The following PTPRD variants were observed in gnomAD, a reference collection of about 807,000 sequenced individuals.
PTPRD encodes protein tyrosine phosphatase receptor type D.
PTPRD carries 34 observed loss-of-function variants against 214.5 expected under a neutral mutation model. The observed-to-expected ratio is 0.16, with a 90% CI of 0.12 to 0.21. The LOEUF (loss-of-function observed/expected upper bound fraction) is 0.21, where lower values mean the gene tolerates loss of function less well. Ranked by LOEUF, PTPRD falls within the 10% of genes least tolerant of loss-of-function variation. The probability of loss-of-function intolerance (pLI) is 1.00; values close to 1 mark genes in which losing one functional copy is unlikely to be tolerated. For missense variants in PTPRD, 2,545 were observed against 2,398.7 expected (o/e 1.06, Z -1.27); for synonymous variants, 1,128 against 845.7 (o/e 1.33, Z -5.79).
intron 14 of PTPRD, among the ~76,000 whole-genome samples, chr9:8,598,140 G>A (rs1288980790): frequency 6.6e-6 from 1 of 152,098 alleles, no homozygotes; most frequent in Non-Finnish European, 1.5e-5. Flanking sequence ...ACTGGATCAT[G>A]ATTAGACTTT....
At chr9:8,793,990 GTGATATTGATATAGAGTA>G (rs2096323745) in intron 11 of PTPRD, among the ~76,000 whole-genome samples, 1 of 152,178 alleles carries the variant, frequency 6.6e-6, no homozygotes, top group Admixed American at 6.5e-5. Flanking sequence ...CAGCACAGCT[GTGATATTGATATAGAGTA>G]CTAGGAAACT....
intron 2 of PTPRD, among the ~76,000 whole-genome samples, chr9:10,551,811 C>G (rs931718634): frequency 6.6e-6 from 1 of 152,106 alleles, no homozygotes; most frequent in Non-Finnish European, 1.5e-5. Flanking sequence ...TGAGAAAGTA[C>G]CAGCATATGC....
In PTPRD at chr9:9,318,191, A is replaced by G. The variant is rs185022580; in HGVS notation, c.-203+79258T>C. ...CCATCAAAAAAAGAAACAAAAAACA[A>G]AACAAACAAACAAACAAAAACAAAC... On this transcript the variant is annotated intron_variant, in intron 9 of 45. Coordinates refer to ENST00000381196, the MANE Select transcript of PTPRD (RefSeq NM_002839.4). Among the ~76,000 whole-genome samples the G allele has an allele frequency of 6.8e-3, 1,035 of 151,186 alleles. 7 individuals are homozygous for G. Among genetic ancestry groups the G allele is most frequent in the Middle Eastern group, 0.027 (8 of 292 alleles).
chr9:9,404,420 G>A (rs994006256), intron 8 of PTPRD, among the ~76,000 whole-genome samples: 1 of 151,774 alleles, frequency 6.6e-6, no homozygotes, highest in African/African-American at 2.4e-5. Context: ...TTTTGAAGGT[G>A]GAACAAGACT....
intron 4 of PTPRD, among the ~76,000 whole-genome samples, chr9:9,955,658 G>C (rs986064051): frequency 2.6e-5 from 4 of 151,794 alleles, no homozygotes; most frequent in Admixed American, 6.6e-5. Flanking sequence ...CAAGTAGCTG[G>C]GACTACAGGT....
intron 2 of PTPRD, among the ~76,000 whole-genome samples, chr9:10,458,836 T>C (rs76289433): frequency 0.012 from 1,806 of 152,302 alleles, 34 homozygotes; most frequent in African/African-American, 0.039. Flanking sequence ...TTCAATAAAG[T>C]TGCAGAATAT....
chr9:10,043,531 GT>G (rs1267528949), intron 3 of PTPRD, among the ~76,000 whole-genome samples: 1 of 151,766 alleles, frequency 6.6e-6, no homozygotes, highest in African/African-American at 2.4e-5. Flanking sequence ...TAAATTTGGA[GT>G]TCCTATGAGC....
chr9:10,390,432 G>C (rs1371433429), intron 2 of PTPRD, among the ~76,000 whole-genome samples: 1 of 151,768 alleles, frequency 6.6e-6, no homozygotes, highest in Admixed American at 6.6e-5. Context: ...AGTCGGTAAA[G>C]GCAGTTGAAA....
intron 9 of PTPRD, among the ~76,000 whole-genome samples, chr9:9,203,803 A>G (rs2099943262): frequency 6.6e-6 from 1 of 152,304 alleles, no homozygotes; most frequent in African/African-American, 2.4e-5. Flanking sequence ...GCAAAGAAAA[A>G]GGTCTTAGGA....
chr9:9,930,809 G>C (rs1339697625), intron 5 of PTPRD, among the ~76,000 whole-genome samples: 1 of 151,672 alleles, frequency 6.6e-6, no homozygotes, highest in Non-Finnish European at 1.5e-5. Flanking sequence ...CATGTAAATA[G>C]GTCAATTTTG....
At chr9:9,464,412 A>T (rs751752897) in intron 8 of PTPRD, among the ~76,000 whole-genome samples, 1 of 152,164 alleles carries the variant, frequency 6.6e-6, no homozygotes, top group Non-Finnish European at 1.5e-5. Flanking sequence ...AGTTACTATC[A>T]TTGCATTTTA....
intron 8 of PTPRD, among the ~76,000 whole-genome samples, chr9:9,422,886 G>A (rs572801886): frequency 6.6e-6 from 1 of 152,078 alleles, no homozygotes. Context: ...GCTGACTGGA[G>A]CTGCTGGCAC....
chr9:10,210,821 ATG>A (rs373910478), intron 3 of PTPRD, among the ~76,000 whole-genome samples: 5,628 of 67,762 alleles, frequency 0.083, 190 homozygotes, highest in Non-Finnish European at 0.093. Context: ...ATATATATAT[ATG>A]TATGTATGTA....
chr9:9,129,148 G>A (rs868808714), intron 10 of PTPRD, among the ~76,000 whole-genome samples: 1 of 152,192 alleles, frequency 6.6e-6, no homozygotes, highest in Non-Finnish European at 1.5e-5. Context: ...CCAGCACTTT[G>A]GGAGGCCGAG....
At chr9:9,444,014 A>G (rs1467380735) in intron 8 of PTPRD, among the ~76,000 whole-genome samples, 1 of 152,176 alleles carries the variant, frequency 6.6e-6, no homozygotes, top group African/African-American at 2.4e-5. Context: ...TATGGACTTT[A>G]TCTTCATTAC....
At chr9:8,836,860 G>C (rs1005300326) in intron 11 of PTPRD, among the ~76,000 whole-genome samples, 1 of 151,832 alleles carries the variant, frequency 6.6e-6, no homozygotes, top group African/African-American at 2.4e-5. Context: ...GATTAGACTA[G>C]TAGCAGACTC....
chr9:9,819,764 T>C (rs531289722), intron 5 of PTPRD, among the ~76,000 whole-genome samples: 1 of 152,264 alleles, frequency 6.6e-6, no homozygotes, highest in African/African-American at 2.4e-5. Flanking sequence ...AACATGTTCC[T>C]GCACCAATTT....
At chr9:8,500,583 A>AAAAAAAAAAAAAAAAAAAAAAAG (rs1563868169) in intron 24 of PTPRD, among the ~76,000 whole-genome samples, 171 bp downstream of exon 24, 1 of 146,316 alleles carries the variant, frequency 6.8e-6, no homozygotes, top group African/African-American at 2.5e-5. Flanking sequence ...AAAAAAAAAA[A>AAAAAAAAAAAAAAAAAAAAAAAG]AAAAAAAGGC....
At chr9:9,841,004 G>C (rs766431929) in intron 5 of PTPRD, among the ~76,000 whole-genome samples, 1 of 152,024 alleles carries the variant, frequency 6.6e-6, no homozygotes, top group Non-Finnish European at 1.5e-5. Flanking sequence ...CAAACACCAT[G>C]CTTTAGCAGG....
Sources: allele counts gnomAD v4.1 joint callset (sites outside exome capture counted in the v4.1 genomes callset), GRCh38; gene constraint gnomAD v4.1.1; transcripts MANE v1.5; gene names NCBI Gene and HGNC (gene_info 2026-07-23, HGNC 2026-07-21).